CCDC22: variants seen among roughly 807,000 people sequenced by gnomAD.
CCDC22 encodes the protein CCC complex scaffolding subunit CCDC22.
In CCDC22, 4 loss-of-function variants were observed where a neutral mutation model predicts 53.1. The observed-to-expected ratio is 0.08, with a 90% CI of 0.04 to 0.17. The LOEUF (loss-of-function observed/expected upper bound fraction) is 0.17. CCDC22 is among the 10% of genes least tolerant of loss of function. CCDC22 has a pLI of 1.00. For synonymous variants in CCDC22, 222 were observed against 224.4 expected, an observed-to-expected ratio of 0.99 and a Z score of 0.10; for missense variants, 458 against 554.0, an observed-to-expected ratio of 0.83 and a Z score of 1.74.
chrX:49,236,930 A>G (rs1424600263), intron 1 of CCDC22, 156 bp from the exon 2 acceptor site: 8 of 398,636 alleles, frequency 2.0e-5, no homozygotes, highest in Non-Finnish European at 3.4e-5. Context: ...CTGGTTTTCC[A>G]AATGGAAGTC....
At chrX:49,243,039 G>A in intron 4 of CCDC22, 47 bp downstream of exon 4, 1 of 1,137,874 alleles carries the variant, frequency 8.8e-7, no homozygotes, top group East Asian at 3.1e-5. Flanking sequence ...CCGTCTGGGT[G>A]CCCAGGGTTT....
chrX:49,242,356 G>T (rs1557113492), intron 3 of CCDC22: 4 of 743,420 alleles, frequency 5.4e-6, no homozygotes, highest in Non-Finnish European at 6.3e-6. Flanking sequence ...TGACCCCGGT[G>T]GTGCGTTGGT....
rs183870196 is a variant in CCDC22 at position 49,238,149 on chromosome X, C to T, written c.228+886C>T. Among the ~76,000 whole-genome samples the T allele has an allele frequency of 4.3e-4, 41 of 95,864 alleles. No homozygotes were observed. In the East Asian group the frequency reaches 7.8e-3, roughly 18 times the overall value. 83.2% of individuals were successfully genotyped at this position (95,864 alleles called of 115,157 possible). A position where few individuals can be genotyped will look rare whatever the true frequency, so the allele number is the denominator to read the frequency against. ...AATGCAGTGGCGTGATCTCAGCTCACGGCTCACTGCAACCTCTGTCTCCTG... is the reference window on the plus strand; with the variant it reads ...AATGCAGTGGCGTGATCTCAGCTCATGGCTCACTGCAACCTCTGTCTCCTG... On this transcript the variant is annotated intron_variant, in intron 2 of 16. Transcript: ENST00000376227.
At chrX:49,240,746 C>T (rs1026700902) in intron 2 of CCDC22, among the ~76,000 whole-genome samples, 2 of 111,536 alleles carry the variant, frequency 1.8e-5, no homozygotes, top group African/African-American at 6.5e-5. Flanking sequence ...GCACCTTAGC[C>T]ACCTCCATAT....
intron 7 of CCDC22, 114 bp from the exon 8 acceptor site, chrX:49,247,382 G>A (rs1469445285): frequency 3.0e-6 from 2 of 659,288 alleles, no homozygotes; most frequent in African/African-American, 2.2e-5. Flanking sequence ...CACCATCGGT[G>A]CTTCAGTGGG....
intron 13 of CCDC22, 97 bp from the exon 14 acceptor site, chrX:49,249,070 C>T (rs1557114894): frequency 2.6e-5 from 29 of 1,097,948 alleles, no homozygotes; most frequent in Non-Finnish European, 3.2e-5. Context: ...TCACCCCTGA[C>T]ACAGTGACAC....
chrX:49,247,355 C>T (rs782700468), intron 7 of CCDC22, 141 bp from the exon 8 acceptor site: 104 of 546,058 alleles, frequency 1.9e-4, no homozygotes, highest in South Asian at 1.4e-3. Flanking sequence ...CCTTTACCCA[C>T]ATAGTCACAG....
rs2066020929 is a variant in CCDC22, at chrX:49,250,379, T to C, written c.*118T>C. 3.8e-6 allele frequency: 2 copies of C among 525,040 alleles called. No homozygotes were observed. Among genetic ancestry groups the C allele is most frequent in the African/African-American group, 4.6e-5 (2 of 43,570 alleles). 43.3% of individuals were successfully genotyped at this position (525,040 alleles called of 1,213,427 possible). ...CTGTCCAGTTCCTCCTGCTGCGGCC[T>C]TGGACCCAGACCCCTGCCCACTGAC... On this transcript the variant is annotated 3_prime_UTR_variant, in exon 17 of 17. Transcript: ENST00000376227.
intron 6 of CCDC22, among the ~76,000 whole-genome samples, chrX:49,244,886 CTCT>C (rs782257880): frequency 9.0e-5 from 10 of 110,653 alleles, no homozygotes; most frequent in Non-Finnish European, 1.3e-4. Flanking sequence ...TCTTTGTCCC[CTCT>C]TCTTCTCTAT....
rs1357756213 is a variant in CCDC22, at chrX:49,247,112, G to C, written c.909+187G>C. ...TATTAGGGACTTGACTGGAGAAAATGTGGATAGGTGGGAACCATGCAAAGG... is the reference window on the plus strand; with the variant it reads ...TATTAGGGACTTGACTGGAGAAAATCTGGATAGGTGGGAACCATGCAAAGG... On this transcript the variant is annotated intron_variant, in intron 7 of 16. Coordinates refer to ENST00000376227, the MANE Select transcript of CCDC22 (RefSeq NM_014008.5). The C allele has an allele frequency of 8.8e-6, 4 of 455,102 alleles. No individual in the cohort carries two copies. In the African/African-American group the frequency reaches 9.7e-5, roughly 11 times the overall value. The allele number at this position is 455,102 out of a possible 1,213,427, so 37.5% of individuals were successfully genotyped here. A position where few individuals can be genotyped will look rare whatever the true frequency, so the allele number is the denominator to read the frequency against.
Position 49,250,197 on chromosome X carries a change from G to A in CCDC22, c.1820G>A (p.Arg607Gln), listed in dbSNP as rs377286894. The A allele has an allele frequency of 1.7e-6, 2 of 1,166,217 alleles. No homozygotes were observed. Among genetic ancestry groups the A allele is most frequent in the Non-Finnish European group, 2.3e-6 (2 of 871,842 alleles). The change falls in exon 17 of 17, where the codon CGG becomes CAG. Residue 607 changes from arginine (R) to glutamine (Q), a missense_variant. Arg to Gln is a conservative substitution (Grantham distance 43). Coordinates refer to ENST00000376227, the MANE Select transcript of CCDC22 (RefSeq NM_014008.5). ...ACCCTCAGCAACCTGGAGAAGATCC[G>A]GGAGGACTACCGAGCCCTCCGCCAG... ...KKTLSNLEKI[R>Q]EDYRALRQEN... is the part of the protein sequence containing the mutation.
At chrX:49,245,843 T>C (rs887615999) in intron 6 of CCDC22, among the ~76,000 whole-genome samples, 7 of 112,670 alleles carry the variant, frequency 6.2e-5, no homozygotes, top group Non-Finnish European at 9.4e-5. Context: ...ATTTCAGCTC[T>C]AAATACTTAG....
chrX:49,235,820 C>T, intron 1 of CCDC22, 134 bp downstream of exon 1: 1 of 448,614 alleles, frequency 2.2e-6, no homozygotes, highest in Non-Finnish European at 3.9e-6. Context: ...AAGACCCTCA[C>T]CCCCTTACAC....
intron 1 of CCDC22, among the ~76,000 whole-genome samples, 179 bp downstream of exon 1, chrX:49,235,865 G>GCA (rs1310992576): frequency 0.06 from 2,485 of 41,696 alleles, 34 homozygotes; most frequent in Non-Finnish European, 0.1. Context: ...ACACACACAC[G>GCA]CACACACACA....
At chrX:49,242,437 C>T (rs1418567307) in intron 3 of CCDC22, 1 of 418,412 alleles carries the variant, frequency 2.4e-6, no homozygotes, top group Non-Finnish European at 3.0e-6. Context: ...CCACTTGGGC[C>T]TCCTGGGTGC....
intron 3 of CCDC22, chrX:49,242,463 C>T (rs1688317266): frequency 2.0e-5 from 5 of 245,001 alleles, no homozygotes; most frequent in Non-Finnish European, 2.9e-5. Flanking sequence ...AAACATACCC[C>T]AGTACACTCC....
rs907803777 is a variant in CCDC22, at chrX:49,235,678, G to A, written c.42G>A (p.Gln14=). Reference sequence around the variant, plus strand: ...GAATCCTCATCCATTCGCTGCGCCAGGCCGGCACGTAAGGACAGAGCCCCC... The same window carrying A: ...GAATCCTCATCCATTCGCTGCGCCAAGCCGGCACGTAAGGACAGAGCCCCC... The part of the protein sequence containing the change: ...ADRILIHSLR[Q]AGTAVPPDVQ... Residue 14 remains glutamine (Q), a synonymous_variant, in exon 1 of 17, where the codon CAG becomes CAA. Transcript: ENST00000376227. The A allele has an allele frequency of 5.9e-6, 7 of 1,186,920 alleles. No individual in the cohort carries two copies. Among genetic ancestry groups the A allele is most frequent in the Non-Finnish European group, 7.9e-6 (7 of 883,109 alleles).
rs1557115028 is a variant in CCDC22 at position 49,249,550 on chromosome X, T to C, written c.1677T>C (p.Tyr559=). 6 of 1,194,758 alleles carry C rather than the reference T, an allele frequency of 5.0e-6. No individual in the cohort carries two copies. Among genetic ancestry groups the C allele is most frequent in the Admixed American group, 2.2e-5 (1 of 44,655 alleles). Residue 559 remains tyrosine, a synonymous_variant, in exon 15 of 17, where the codon TAT becomes TAC. Transcript: ENST00000376227. ...ATGCTGTTCGGAAGGCCTATAAGTA[T>C]CTAGCTGCTCTGCACGAGGTGAGGG... The part of the protein sequence containing the change: ...KDDAVRKAYK[Y]LAALHENCSQ...
intron 6 of CCDC22, among the ~76,000 whole-genome samples, chrX:49,244,913 T>C (rs1179209683): frequency 2.7e-5 from 3 of 110,581 alleles, no homozygotes; most frequent in Non-Finnish European, 5.7e-5. Context: ...TCTCTGTATC[T>C]GTCCCCTCTT....
Sources: gnomAD v4.1 joint callset for allele counts (sites outside exome capture counted in the v4.1 genomes callset) on GRCh38, gnomAD v4.1.1 for gene constraint, MANE v1.5 for transcripts, NCBI Gene and HGNC (gene_info 2026-07-23, HGNC 2026-07-21) for gene names.